SYT1: variants seen among roughly 807,000 people sequenced by gnomAD.
SYT1 encodes synaptotagmin 1.
In SYT1, 8 loss-of-function variants were observed where a neutral mutation model predicts 44.8. That is an observed-to-expected ratio of 0.18 (90% CI 0.10 to 0.32). The LOEUF (loss-of-function observed/expected upper bound fraction) is 0.32. Among genes scored for constraint, SYT1 ranks in the 10% least tolerant of loss-of-function variants. The pLI is 1.00. For missense variants in SYT1, 286 were observed against 509.3 expected (o/e 0.56, Z 4.22); for synonymous variants, 154 against 188.8 (o/e 0.82, Z 1.51).
chr12:79,095,132 A>G (rs1392474316), intron 3 of SYT1, among the ~76,000 whole-genome samples: 2 of 151,968 alleles, frequency 1.3e-5, no homozygotes, highest in African/African-American at 4.8e-5. Flanking sequence ...AACAAAAGCC[A>G]TTCATGAGAG....
At chr12:79,008,234 G>A (rs1003485302) in intron 2 of SYT1, among the ~76,000 whole-genome samples, 2 of 152,026 alleles carry the variant, frequency 1.3e-5, no homozygotes, top group Non-Finnish European at 2.9e-5. Flanking sequence ...GCTCCAAGCA[G>A]AGGATTCAGC....
intron 3 of SYT1, among the ~76,000 whole-genome samples, chr12:79,139,523 T>G (rs1046056260): frequency 6.6e-6 from 1 of 152,150 alleles, no homozygotes; most frequent in African/African-American, 2.4e-5. Context: ...TATTTTATCT[T>G]CCTATTGGCC....
intron 4 of SYT1, among the ~76,000 whole-genome samples, chr12:79,245,213 C>T (rs1565872658): frequency 1.3e-5 from 2 of 151,184 alleles, no homozygotes; most frequent in African/African-American, 2.4e-5. Flanking sequence ...CGCCTGTAAT[C>T]CCAGCACTTT....
chr12:78,971,276 T>C (rs1868374341), intron 1 of SYT1, among the ~76,000 whole-genome samples: 1 of 152,162 alleles, frequency 6.6e-6, no homozygotes, highest in Non-Finnish European at 1.5e-5. Context: ...TGTCCAAACT[T>C]CTTTTGAATA....
chr12:78,962,215 G>C (rs951603241), intron 1 of SYT1, among the ~76,000 whole-genome samples: 1 of 151,998 alleles, frequency 6.6e-6, no homozygotes, highest in Admixed American at 6.6e-5. Flanking sequence ...GTATATAATG[G>C]AGCAAACATA....
chr12:79,123,409 C>G (rs1259711270), intron 3 of SYT1, among the ~76,000 whole-genome samples: 1 of 150,204 alleles, frequency 6.7e-6, no homozygotes, highest in Non-Finnish European at 1.5e-5. Context: ...AAATAGGTAA[C>G]TATGTTAAAA....
chr12:79,316,907 A>G (rs531634500), intron 8 of SYT1, among the ~76,000 whole-genome samples: 41 of 152,384 alleles, frequency 2.7e-4, no homozygotes, highest in East Asian at 3.9e-4. Context: ...AAATGAGCAT[A>G]GAACTCGGAG....
chr12:79,246,835 A>G (rs1442981955), intron 4 of SYT1, among the ~76,000 whole-genome samples: 1 of 152,202 alleles, frequency 6.6e-6, no homozygotes, highest in African/African-American at 2.4e-5. Flanking sequence ...ATAGTCATTT[A>G]TCTCTTATCT....
intron 2 of SYT1, among the ~76,000 whole-genome samples, chr12:78,982,279 T>C (rs930497018): frequency 1.3e-5 from 2 of 152,104 alleles, no homozygotes; most frequent in African/African-American, 4.8e-5. Context: ...GGCCCATAAT[T>C]CTTCATCAAC....
chr12:79,261,659 T>C (rs1002111785), intron 4 of SYT1, among the ~76,000 whole-genome samples: 1 of 152,186 alleles, frequency 6.6e-6, no homozygotes, highest in East Asian at 1.9e-4. Flanking sequence ...ATATATTTCT[T>C]ATTATTTAAA....
intron 8 of SYT1, among the ~76,000 whole-genome samples, chr12:79,311,518 G>A (rs1221441765): frequency 6.9e-6 from 1 of 145,008 alleles, no homozygotes; most frequent in East Asian, 2.0e-4. Flanking sequence ...CCATTACTGG[G>A]TATATACCCA....
At chr12:79,055,211 T>A (rs2137813417) in intron 3 of SYT1, among the ~76,000 whole-genome samples, 1 of 152,122 alleles carries the variant, frequency 6.6e-6, no homozygotes, top group South Asian at 2.1e-4. Flanking sequence ...GTATTCAAGT[T>A]AGCTATTATA....
chr12:79,308,248 G>A (rs1880515102), intron 8 of SYT1, among the ~76,000 whole-genome samples: 1 of 152,200 alleles, frequency 6.6e-6, no homozygotes, highest in African/African-American at 2.4e-5. Flanking sequence ...GGAGAGGCAG[G>A]CCGCGGTGGC....
intron 1 of SYT1, among the ~76,000 whole-genome samples, chr12:78,871,482 T>C (rs73347876): frequency 0.017 from 2,579 of 152,118 alleles, 69 homozygotes; most frequent in African/African-American, 0.06. Flanking sequence ...ACAGTGGACA[T>C]GGTCCTTGCT....
intron 1 of SYT1, among the ~76,000 whole-genome samples, chr12:78,920,758 C>G (rs1254994582): frequency 1.3e-5 from 2 of 151,806 alleles, no homozygotes; most frequent in East Asian, 3.9e-4. Context: ...TTCCACTAAA[C>G]TTTGCTTTAA....
chr12:79,149,162 C>G (rs758401804), intron 3 of SYT1, among the ~76,000 whole-genome samples: 16 of 152,004 alleles, frequency 1.1e-4, no homozygotes, highest in Non-Finnish European at 2.2e-4. Flanking sequence ...TTTGACTTGA[C>G]TACATTCTGT....
intron 8 of SYT1, among the ~76,000 whole-genome samples, chr12:79,338,256 T>C (rs1421142093): frequency 1.3e-5 from 2 of 151,590 alleles, no homozygotes; most frequent in Middle Eastern, 3.2e-3. Flanking sequence ...CAACTAATTT[T>C]TTTTTCTTTT....
At chr12:79,102,134 C>A (rs1174930527) in intron 3 of SYT1, among the ~76,000 whole-genome samples, 2 of 151,954 alleles carry the variant, frequency 1.3e-5, no homozygotes, top group Non-Finnish European at 2.9e-5. Flanking sequence ...TTATTGAACT[C>A]CTCCTGTGGG....
At chr12:79,206,538 A>T (rs1239629977) in intron 3 of SYT1, among the ~76,000 whole-genome samples, 2 of 152,208 alleles carry the variant, frequency 1.3e-5, no homozygotes, top group African/African-American at 4.8e-5. Flanking sequence ...GTGAAAAAAA[A>T]TATTGTGAAA....
Sources: gnomAD v4.1 joint callset for allele counts (sites outside exome capture counted in the v4.1 genomes callset) on GRCh38, gnomAD v4.1.1 for gene constraint, MANE v1.5 for transcripts, NCBI Gene and HGNC (gene_info 2026-07-23, HGNC 2026-07-21) for gene names.